BTBD9: variants seen among roughly 807,000 people sequenced by gnomAD.
The protein encoded by BTBD9 is BTB/POZ domain-containing protein 9.
Under a neutral mutation model 64.3 loss-of-function variants are expected in BTBD9, and 49 were observed. That is an observed-to-expected ratio of 0.76 (90% confidence interval 0.61 to 0.97). The LOEUF is 0.97. BTBD9 is among the 50% of genes least tolerant of loss of function. The probability of loss-of-function intolerance (pLI) is 0.00; values close to 1 mark genes in which losing one functional copy is unlikely to be tolerated. For synonymous variants in BTBD9, 260 were observed against 274.7 expected (o/e 0.95, Z 0.53); for missense variants, 598 against 762.1 (o/e 0.78, Z 2.53).
At chr6:38,182,689 C>T (rs967540019) in intron 10 of BTBD9, among the ~76,000 whole-genome samples, 1 of 152,234 alleles carries the variant, frequency 6.6e-6, no homozygotes, top group African/African-American at 2.4e-5. Flanking sequence ...CATCACCCCT[C>T]ACTGCTGGCA....
chr6:38,303,671 T>C (rs1322477581), intron 7 of BTBD9, among the ~76,000 whole-genome samples: 1 of 151,694 alleles, frequency 6.6e-6, no homozygotes, highest in Non-Finnish European at 1.5e-5. Flanking sequence ...TCACAGACTA[T>C]CACAAAATCA....
chr6:38,458,196 C>T (rs1304340416), intron 6 of BTBD9, among the ~76,000 whole-genome samples: 1 of 152,162 alleles, frequency 6.6e-6, no homozygotes, highest in African/African-American at 2.4e-5. Context: ...TAAAAGAAAT[C>T]ACTTTTCACC....
chr6:38,628,446 T>C (rs1778244757), intron 1 of BTBD9, among the ~76,000 whole-genome samples: 1 of 152,220 alleles, frequency 6.6e-6, no homozygotes, highest in Non-Finnish European at 1.5e-5. Flanking sequence ...ATTTTGAACC[T>C]ACTTTCTGGG....
chr6:38,183,090 C>CT (rs1362917224), intron 10 of BTBD9, among the ~76,000 whole-genome samples: 1 of 151,900 alleles, frequency 6.6e-6, no homozygotes, highest in African/African-American at 2.4e-5. Flanking sequence ...TGCCATTCTC[C>CT]TGCCTCAGCC....
At chr6:38,494,565 A>G (rs1771862007) in intron 6 of BTBD9, among the ~76,000 whole-genome samples, 2 of 152,226 alleles carry the variant, frequency 1.3e-5, no homozygotes, top group African/African-American at 4.8e-5. Context: ...ATTTTGCCTG[A>G]TATACATCAT....
intron 6 of BTBD9, among the ~76,000 whole-genome samples, chr6:38,502,995 G>T (rs906900090): frequency 6.6e-6 from 1 of 152,178 alleles, no homozygotes; most frequent in African/African-American, 2.4e-5. Flanking sequence ...AAACAGATGA[G>T]AAAGCAATTA....
chr6:38,327,396 C>T lies in BTBD9; in HGVS notation c.1264+17588G>A, dbSNP rs147924972. Among the ~76,000 whole-genome samples the T allele has an allele frequency of 2.0e-3, 300 of 152,188 alleles. 5 individuals are homozygous for T. Among genetic ancestry groups the T allele is most frequent in the East Asian group, 1.7e-3 (9 of 5,172 alleles). Reference sequence around the variant, plus strand: ...AGGAAGGGGCCAGCAGGTTTAGAGGCCCCTTCCCAAAACTGTATACAGCAG... The same window carrying T: ...AGGAAGGGGCCAGCAGGTTTAGAGGTCCCTTCCCAAAACTGTATACAGCAG... On this transcript the variant is annotated intron_variant, in intron 7 of 10. Transcript: ENST00000481247.
intron 6 of BTBD9, among the ~76,000 whole-genome samples, chr6:38,378,883 A>G (rs896663955): frequency 6.6e-6 from 1 of 151,868 alleles, no homozygotes; most frequent in Non-Finnish European, 1.5e-5. Flanking sequence ...CAAAAAAAAA[A>G]AAAAAGAAAA....
intron 4 of BTBD9, among the ~76,000 whole-genome samples, chr6:38,587,159 T>C (rs1279249098): frequency 2.0e-5 from 3 of 152,016 alleles, no homozygotes; most frequent in Non-Finnish European, 2.9e-5. Flanking sequence ...GCAGTGGCCA[T>C]GGAGGGCAAC....
At chr6:38,483,714 T>A (rs1771267917) in intron 6 of BTBD9, among the ~76,000 whole-genome samples, 1 of 152,168 alleles carries the variant, frequency 6.6e-6, no homozygotes, top group African/African-American at 2.4e-5. Context: ...AACCCCAAGC[T>A]AGTTTCTACT....
intron 8 of BTBD9, among the ~76,000 whole-genome samples, chr6:38,264,898 C>T (rs957131486): frequency 2.6e-5 from 4 of 152,038 alleles, no homozygotes; most frequent in Non-Finnish European, 5.9e-5. Flanking sequence ...GAATGGGCCA[C>T]GACCTTTCAG....
chr6:38,344,406 A>T (rs1013850496), intron 7 of BTBD9, among the ~76,000 whole-genome samples: 16 of 152,218 alleles, frequency 1.1e-4, no homozygotes, highest in Admixed American at 1.0e-3. Context: ...ATTTCCCACC[A>T]AATAACTTGA....
intron 9 of BTBD9, among the ~76,000 whole-genome samples, chr6:38,199,781 T>C (rs1013115187): frequency 1.3e-5 from 2 of 152,206 alleles, no homozygotes; most frequent in Admixed American, 6.5e-5. Flanking sequence ...ATCTAATCCC[T>C]GCCTGATAAC....
At chr6:38,435,693 G>A (rs1018576394) in intron 6 of BTBD9, among the ~76,000 whole-genome samples, 1 of 137,636 alleles carries the variant, frequency 7.3e-6, no homozygotes, top group African/African-American at 2.7e-5. Flanking sequence ...CTCTGAGACT[G>A]AGTCTCACTC....
chr6:38,571,108 A>C (rs1775744396), intron 6 of BTBD9, among the ~76,000 whole-genome samples: 1 of 152,254 alleles, frequency 6.6e-6, no homozygotes, highest in Admixed American at 6.5e-5. Flanking sequence ...ACTTTTTAAA[A>C]AATGAAACTA....
At chr6:38,341,925 G>A (rs183298258) in intron 7 of BTBD9, among the ~76,000 whole-genome samples, 1 of 152,278 alleles carries the variant, frequency 6.6e-6, no homozygotes, top group Admixed American at 6.5e-5. Flanking sequence ...ATATGAACCC[G>A]AGGACTACAA....
At chr6:38,547,601 C>G (rs1436418494) in intron 6 of BTBD9, among the ~76,000 whole-genome samples, 1 of 152,182 alleles carries the variant, frequency 6.6e-6, no homozygotes, top group Non-Finnish European at 1.5e-5. Context: ...TTGAACCCAT[C>G]AAGTTCCTTC....
chr6:38,402,386 C>T lies in BTBD9; in HGVS notation c.1155-57293G>A, dbSNP rs187616540. Among the ~76,000 whole-genome samples, 344 of 151,944 alleles carry T rather than the reference C, an allele frequency of 2.3e-3. 1 individual carries two copies. Among genetic ancestry groups the T allele is most frequent in the African/African-American group, 7.9e-3 (327 of 41,526 alleles). On this transcript the variant is annotated intron_variant, in intron 6 of 10. Coordinates refer to ENST00000481247, the MANE Select transcript of BTBD9 (RefSeq NM_001099272.2). ...AGAACCCAGAATAGCCAAAACAATC[C>T]CCCATCCCCAAAAGAGTTAGAAGAA...
At chr6:38,513,424 G>A (rs1245250695) in intron 6 of BTBD9, among the ~76,000 whole-genome samples, 1 of 151,658 alleles carries the variant, frequency 6.6e-6, no homozygotes, top group African/African-American at 2.4e-5. Flanking sequence ...CTCCAGCTTG[G>A]GCAACAGAGT....
Sources: allele counts gnomAD v4.1 joint callset (sites outside exome capture counted in the v4.1 genomes callset), GRCh38; gene constraint gnomAD v4.1.1; transcripts MANE v1.5; gene names NCBI Gene and HGNC (gene_info 2026-07-23, HGNC 2026-07-21).